Variants in ITGA6 observed in about 807,000 individuals in gnomAD.
The protein encoded by ITGA6 is integrin alpha-6.
ITGA6 carries 63 observed loss-of-function variants against 133.6 expected under a neutral mutation model. The observed-to-expected ratio is 0.47, with a 90% CI of 0.38 to 0.58. The LOEUF (loss-of-function observed/expected upper bound fraction) is 0.58. Among genes scored for constraint, ITGA6 ranks in the 20% least tolerant of loss-of-function variants. The pLI, the probability that ITGA6 is intolerant of heterozygous loss-of-function variation, is 0.00. For missense variants in ITGA6, 1,068 were observed against 1,309.4 expected (o/e 0.82, Z 2.85); for synonymous variants, 434 against 482.0 (o/e 0.90, Z 1.30).
intron 11 of ITGA6, among the ~76,000 whole-genome samples, chr2:172,483,051 A>G (rs1210398638): frequency 6.6e-6 from 1 of 152,194 alleles, no homozygotes; most frequent in East Asian, 1.9e-4. Context: ...ATCACAGCGT[A>G]GTGGGCTTAA....
intron 20 of ITGA6, chr2:172,490,701 G>A (rs1026490410): frequency 6.6e-5 from 22 of 333,814 alleles, no homozygotes; most frequent in Non-Finnish European, 1.2e-4. Flanking sequence ...AGGGATACAG[G>A]AATAAGATTT....
chr2:172,489,665 C>A lies in ITGA6; in HGVS notation c.2679+7C>A, dbSNP rs373610682. ...AAACTCCCTGAACCTAACGGTATGTCGGTAGATTTATCTAATGTCTCCATA... is the reference window on the plus strand; with the variant it reads ...AAACTCCCTGAACCTAACGGTATGTAGGTAGATTTATCTAATGTCTCCATA... On this transcript the variant is annotated splice_region_variant and intron_variant, in intron 20 of 25. Coordinates refer to ENST00000684293, the MANE Select transcript of ITGA6 (RefSeq NM_000210.4). 25 of 1,610,444 alleles carry A rather than the reference C, an allele frequency of 1.6e-5. No homozygotes were observed. The African/African-American group carries it at 2.9e-4, about 19-fold the overall frequency.
intron 1 of ITGA6, among the ~76,000 whole-genome samples, chr2:172,441,931 G>A (rs910007433): frequency 3.3e-5 from 5 of 152,214 alleles, no homozygotes; most frequent in African/African-American, 1.2e-4. Context: ...GCTAGCTAAT[G>A]TGTCTGTTTT....
At chr2:172,432,998 G>T (rs1684167917) in intron 1 of ITGA6, among the ~76,000 whole-genome samples, 1 of 152,146 alleles carries the variant, frequency 6.6e-6, no homozygotes, top group African/African-American at 2.4e-5. Flanking sequence ...GTAGGATGGT[G>T]GGAAGGCTGC....
At chr2:172,482,569 A>G (rs1686492835) in intron 11 of ITGA6, among the ~76,000 whole-genome samples, 1 of 152,106 alleles carries the variant, frequency 6.6e-6, no homozygotes, top group African/African-American at 2.4e-5. Flanking sequence ...GGTTAGAGTG[A>G]ATTTGGCAGA....
chr2:172,491,506 CCAAATG>C lies in ITGA6; in HGVS notation c.2974_2979del (p.Asn992_Ala993del). The C allele has an allele frequency of 6.2e-7, 1 of 1,612,316 alleles. No individual in the cohort carries two copies. The highest frequency in any genetic ancestry group is 8.5e-7 in the Non-Finnish European group (1 of 1,178,818). On this transcript the variant is annotated inframe_deletion, in exon 23 of 26. Coordinates refer to ENST00000684293, the MANE Select transcript of ITGA6 (RefSeq NM_000210.4). This position sits in a 1 kb window ranked among gnomAD's most constrained non-coding sequence, Gnocchi z 4.4. Reference sequence around the variant, plus strand: ...TGCTGCTGCCGAAAATATCAGGCTGCCAAATGCAGGCACTCAGGTGAGAGGTTCCCC... The same window carrying C: ...TGCTGCTGCCGAAAATATCAGGCTGCCAGGCACTCAGGTGAGAGGTTCCCC...
chr2:172,453,324 C>T (rs1054554345), intron 1 of ITGA6, among the ~76,000 whole-genome samples: 4 of 151,810 alleles, frequency 2.6e-5, no homozygotes, highest in Admixed American at 2.0e-4. Flanking sequence ...CTCAGGAGTT[C>T]GAGACCAGCC....
chr2:172,462,996 C>T (rs577500363), intron 1 of ITGA6, among the ~76,000 whole-genome samples: 13 of 152,306 alleles, frequency 8.5e-5, no homozygotes, highest in African/African-American at 2.9e-4. Context: ...TAGTGACATC[C>T]TCCCTTCCTC....
At chr2:172,428,058 G>A (rs1683934611) in intron 1 of ITGA6, 88 bp downstream of exon 1, 2 of 1,410,780 alleles carry the variant, frequency 1.4e-6, no homozygotes, top group South Asian at 1.4e-5. Context: ...CGCCGGCCCC[G>A]GGGAGTAGTT....
intron 1 of ITGA6, among the ~76,000 whole-genome samples, chr2:172,456,707 G>C (rs980077736): frequency 1.3e-5 from 2 of 152,204 alleles, no homozygotes; most frequent in African/African-American, 2.4e-5. Context: ...GCCCTTGCTA[G>C]CATATGTCTG....
At chr2:172,465,714 G>A in intron 2 of ITGA6, 51 bp downstream of exon 2, 1 of 1,612,750 alleles carries the variant, frequency 6.2e-7, no homozygotes, top group Non-Finnish European at 8.5e-7. Context: ...TGCCTGTACT[G>A]TTTCCATGAG....
In ITGA6 at chr2:172,469,228, A is replaced by G. The variant is rs967691935; in HGVS notation, c.491A>G (p.Glu164Gly). 2 of 1,614,146 alleles carry G rather than the reference A, an allele frequency of 1.2e-6. No individual in the cohort carries two copies. Among genetic ancestry groups the G allele is most frequent in the African/African-American group, 2.7e-5 (2 of 75,028 alleles). Reference sequence around the variant, plus strand: ...GTCCTGAGTCAGAATCTCAGGATTGAAGACGATATGGATGGGGGAGATTGG... The same window carrying G: ...GTCCTGAGTCAGAATCTCAGGATTGGAGACGATATGGATGGGGGAGATTGG... ...CYVLSQNLRIEDDMDGGDWSF... is the reference protein window; with the variant it reads ...CYVLSQNLRIGDDMDGGDWSF... Residue 164 changes from glutamate (E) to glycine (G), a missense_variant, in exon 4 of 26, where the codon GAA (glutamate) becomes GGA (glycine). Transcript: ENST00000684293.
chr2:172,450,265 G>A (rs1472898401), intron 1 of ITGA6, among the ~76,000 whole-genome samples: 1 of 152,188 alleles, frequency 6.6e-6, no homozygotes, highest in Non-Finnish European at 1.5e-5. Context: ...CCTGAGATGT[G>A]CAAAGAACAG....
intron 1 of ITGA6, among the ~76,000 whole-genome samples, chr2:172,449,371 G>A (rs1455710227): frequency 6.6e-6 from 1 of 152,172 alleles, no homozygotes; most frequent in Non-Finnish European, 1.5e-5. Context: ...ATATTGGGAT[G>A]CATGAATAAT....
At chr2:172,483,903 TG>T (rs1472743788) in intron 11 of ITGA6, among the ~76,000 whole-genome samples, 33 of 152,322 alleles carry the variant, frequency 2.2e-4, no homozygotes, top group Non-Finnish European at 5.9e-5. Context: ...CTCTGCCTCC[TG>T]GGTTCAAGCG....
At position 172,487,563 on chromosome 2, in the gene ITGA6, G is replaced by A. The variant is rs142894108; in HGVS notation, c.2177G>A (p.Cys726Tyr). Residue 726 changes from cysteine (C) to tyrosine (Y), a missense_variant, in exon 16 of 26, where the codon TGT becomes TAT. This residue lies in a region of ITGA6 where 609 missense variants were observed against 707.2 expected (regional missense o/e 0.86). Coordinates refer to ENST00000684293, the MANE Select transcript of ITGA6 (RefSeq NM_000210.4). ...CTTTTACAGGAGAAACAGTTGAGTTGTGTTGCCAACCAGAATGGCTCGCAA... is the reference window on the plus strand; with the variant it reads ...CTTTTACAGGAGAAACAGTTGAGTTATGTTGCCAACCAGAATGGCTCGCAA... ...LRAFPEKQLS[C>Y]VANQNGSQAD... 1.2e-6 allele frequency: 2 copies of A among 1,614,038 alleles called. No homozygotes were observed. Among genetic ancestry groups the A allele is most frequent in the African/African-American group, 2.7e-5 (2 of 74,926 alleles).
intron 1 of ITGA6, among the ~76,000 whole-genome samples, chr2:172,441,434 T>C (rs977540650): frequency 5.9e-5 from 9 of 151,730 alleles, no homozygotes; most frequent in Admixed American, 5.9e-4. Flanking sequence ...CTCATGCCAG[T>C]GATCCCAGCA....
chr2:172,446,121 A>G (rs1684759156), intron 1 of ITGA6, among the ~76,000 whole-genome samples: 1 of 152,244 alleles, frequency 6.6e-6, no homozygotes, highest in South Asian at 2.1e-4. Context: ...CTGTTGTTTC[A>G]TTTATCTCAT....
rs758804537 is a variant in ITGA6 at position 172,479,646 on chromosome 2, G to A, written c.1394G>A (p.Arg465Gln). The A allele has an allele frequency of 1.8e-5, 29 of 1,613,380 alleles. No individual in the cohort carries two copies. The highest frequency in any genetic ancestry group is 9.4e-5 in the African/African-American group (7 of 74,782). Residue 465 changes from arginine (R) to glutamine (Q), a missense_variant, in exon 10 of 26, where the codon CGG (arginine) becomes CAG (glutamine). This residue lies in a region of ITGA6 where 317 missense variants were observed against 456.9 expected (regional missense o/e 0.69). Coordinates refer to ENST00000684293, the MANE Select transcript of ITGA6 (RefSeq NM_000210.4). ...TTCACTCCTTTTGTCTTCAGATCCC[G>A]GCCTGTGATTAATATTCAGAAAACC... The part of the protein sequence containing the change: ...LSDSVTIFRS[R>Q]PVINIQKTIT...
Sources: allele counts gnomAD v4.1 joint callset (sites outside exome capture counted in the v4.1 genomes callset), GRCh38; gene constraint gnomAD v4.1.1; regional missense constraint gnomAD v4.1.1; non-coding constraint Gnocchi (gnomAD v3.1); transcripts MANE v1.5; gene names NCBI Gene and HGNC (gene_info 2026-07-23, HGNC 2026-07-21).